CERS3: variants seen among roughly 807,000 people sequenced by gnomAD.
CERS3 encodes the protein ceramide synthase 3.
A neutral mutation model predicts 50.3 loss-of-function variants in CERS3; 33 were observed. The observed-to-expected ratio is 0.66, with a 90% CI of 0.50 to 0.88. The LOEUF is 0.88. Ranked by LOEUF, CERS3 falls within the 40% of genes least tolerant of loss-of-function variation. The pLI, the probability that CERS3 is intolerant of heterozygous loss-of-function variation, is 0.00. For synonymous variants in CERS3, 176 were observed against 155.2 expected, an observed-to-expected ratio of 1.13 and a Z score of -0.99; for missense variants, 470 against 460.3, an observed-to-expected ratio of 1.02 and a Z score of -0.19.
At chr15:100,475,468 G>A (rs765225190) in intron 8 of CERS3, among the ~76,000 whole-genome samples, 9 of 152,152 alleles carry the variant, frequency 5.9e-5, no homozygotes, top group South Asian at 4.1e-4. Context: ...TTACATATAC[G>A]ACAAAATCTT....
At chr15:100,535,286 G>A (rs1408712064) in intron 1 of CERS3, among the ~76,000 whole-genome samples, 4 of 152,200 alleles carry the variant, frequency 2.6e-5, no homozygotes. Context: ...TACAAGGATT[G>A]TGTAAAGTTT....
intron 11 of CERS3, among the ~76,000 whole-genome samples, chr15:100,446,480 C>T (rs1224925383): frequency 1.3e-5 from 2 of 151,014 alleles, no homozygotes; most frequent in South Asian, 4.2e-4. Context: ...ACGGCAGTTT[C>T]CATTTCCTTT....
chr15:100,465,659 C>CT (rs574991706), intron 10 of CERS3, among the ~76,000 whole-genome samples: 9,445 of 140,796 alleles, frequency 0.067, 650 homozygotes, highest in African/African-American at 0.17. Context: ...TTGTTTTGAA[C>CT]TTTTTTTTTT....
At position 100,526,709 on chromosome 15, in the gene CERS3, A is replaced by C. The variant is rs551141662; in HGVS notation, c.-92+2104T>G. 2.6e-5 allele frequency among the ~76,000 whole-genome samples: 4 copies of C among 152,088 alleles called. 1 individual carries two copies. Among genetic ancestry groups the C allele is most frequent in the Admixed American group, 2.6e-4 (4 of 15,270 alleles). ...ACAAAGTGATTTCCCAAGAAAGTAC[A>C]CTAGGATATAAGGAACAAGTACCAG... On this transcript the variant is annotated intron_variant, in intron 1 of 11. Coordinates refer to ENST00000679737, the MANE Select transcript of CERS3 (RefSeq NM_001378789.1).
intron 11 of CERS3, among the ~76,000 whole-genome samples, chr15:100,444,621 T>C (rs983781793): frequency 7.2e-5 from 11 of 152,176 alleles, no homozygotes; most frequent in African/African-American, 2.7e-4. Flanking sequence ...AAATAACTTC[T>C]CAGTGTTCCA....
intron 1 of CERS3, among the ~76,000 whole-genome samples, chr15:100,522,753 C>T (rs895665917): frequency 2.0e-5 from 1 of 49,922 alleles, no homozygotes; most frequent in African/African-American, 5.2e-5. Flanking sequence ...TTTGGGATTA[C>T]AACACTTCAA....
chr15:100,436,904 T>C (rs2033436697), intron 11 of CERS3, among the ~76,000 whole-genome samples: 1 of 151,572 alleles, frequency 6.6e-6, no homozygotes, highest in South Asian at 2.1e-4. Flanking sequence ...GTGGTAATCA[T>C]GATGATCCTA....
Position 100,468,885 on chromosome 15 carries a change from A to G in CERS3, c.845+493T>C, listed in dbSNP as rs367990541. 2.6e-5 allele frequency among the ~76,000 whole-genome samples: 4 copies of G among 152,308 alleles called. No homozygotes were observed. In the East Asian group the frequency reaches 5.8e-4, roughly 22 times the overall value. On this transcript the variant is annotated intron_variant, in intron 10 of 11. Transcript: ENST00000679737. ...GTCATAGAGAATGAAATAAACAAGT[A>G]TCAGTTTTCCTTATCTGGGAAGTGG...
intron 11 of CERS3, 78 bp downstream of exon 11, chr15:100,455,815 C>G (rs2034347484): frequency 2.2e-6 from 2 of 903,756 alleles, no homozygotes; most frequent in Non-Finnish European, 3.1e-6. Context: ...TATGAATTAA[C>G]TTGAACATTC....
chr15:100,417,753 C>T (rs2032060980), intron 11 of CERS3, among the ~76,000 whole-genome samples: 1 of 151,740 alleles, frequency 6.6e-6, no homozygotes, highest in South Asian at 2.1e-4. Flanking sequence ...CAGACTGCCT[C>T]CTCAAGTAGG....
intron 11 of CERS3, among the ~76,000 whole-genome samples, chr15:100,441,303 G>A (rs145559973): frequency 1.4e-3 from 183 of 133,004 alleles, no homozygotes; most frequent in African/African-American, 5.0e-3. Context: ...CCTTATTTCT[G>A]CACCCCGACC....
chr15:100,542,859 A>G (rs2037234386), intron 1 of CERS3, among the ~76,000 whole-genome samples: 1 of 152,162 alleles, frequency 6.6e-6, no homozygotes, highest in South Asian at 2.1e-4. Flanking sequence ...ATAAAATAAT[A>G]CTTATCTATG....
chr15:100,455,501 T>A (rs150694478), intron 11 of CERS3, among the ~76,000 whole-genome samples: 199 of 152,288 alleles, frequency 1.3e-3, no homozygotes, highest in African/African-American at 4.3e-3. Flanking sequence ...ATACTCAAGA[T>A]GATGGATACC....
intron 11 of CERS3, among the ~76,000 whole-genome samples, chr15:100,427,220 G>T (rs2032864120): frequency 6.6e-6 from 1 of 152,010 alleles, no homozygotes; most frequent in Admixed American, 6.6e-5. Flanking sequence ...GGCTACTTCA[G>T]ATGGTTCCTG....
At chr15:100,416,467 C>T (rs1392929368) in intron 11 of CERS3, among the ~76,000 whole-genome samples, 7 of 152,152 alleles carry the variant, frequency 4.6e-5, no homozygotes, top group Admixed American at 3.3e-4. Context: ...TGTATTAGTC[C>T]GTTTTCACAC....
intron 1 of CERS3, among the ~76,000 whole-genome samples, chr15:100,540,686 C>T (rs1179483788): frequency 1.3e-5 from 2 of 152,234 alleles, no homozygotes; most frequent in Admixed American, 6.5e-5. Flanking sequence ...ATCAGAGTTG[C>T]GTGTGGCACA....
chr15:100,418,718 C>G (rs1000873503), intron 11 of CERS3, among the ~76,000 whole-genome samples: 1 of 135,074 alleles, frequency 7.4e-6, no homozygotes, highest in Non-Finnish European at 1.6e-5. Flanking sequence ...GCCCATCAGA[C>G]TAACAGCAGA....
intron 11 of CERS3, among the ~76,000 whole-genome samples, chr15:100,433,741 A>G (rs962269692): frequency 6.6e-6 from 1 of 152,224 alleles, no homozygotes; most frequent in Non-Finnish European, 1.5e-5. Context: ...ACACACACCT[A>G]TACATGCACA....
chr15:100,408,597 T>G (rs558229443), intron 11 of CERS3: 1 of 152,302 alleles, frequency 6.6e-6, no homozygotes, highest in African/African-American at 2.4e-5. Flanking sequence ...CCGATAGGAT[T>G]GACAACTACT....
Sources: gnomAD v4.1 joint callset for allele counts (sites outside exome capture counted in the v4.1 genomes callset) on GRCh38, gnomAD v4.1.1 for gene constraint, MANE v1.5 for transcripts, NCBI Gene and HGNC (gene_info 2026-07-23, HGNC 2026-07-21) for gene names.